The following BAALC variants were observed in gnomAD, a reference collection of about 807,000 sequenced individuals.
BAALC encodes BAALC binder of MAP3K1 and KLF4.
In BAALC, 9 loss-of-function variants were observed where a neutral mutation model predicts 15.5. That is an observed-to-expected ratio of 0.58 (90% CI 0.35 to 1.02). The LOEUF is 1.02. Ranked by LOEUF, BAALC falls within the 50% of genes least tolerant of loss-of-function variation. The probability of loss-of-function intolerance (pLI) is 0.02; values close to 1 mark genes in which losing one functional copy is unlikely to be tolerated. For synonymous variants in BAALC, 80 were observed against 74.6 expected, an observed-to-expected ratio of 1.07 and a Z score of -0.37; for missense variants, 201 against 192.4, an observed-to-expected ratio of 1.04 and a Z score of -0.27.
At chr8:103,226,327 G>A (rs1161891245) in intron 2 of BAALC, among the ~76,000 whole-genome samples, 1 of 152,224 alleles carries the variant, frequency 6.6e-6, no homozygotes, top group Non-Finnish European at 1.5e-5. Context: ...GGGCCCAAAT[G>A]GTCAGACCTT....
chr8:103,170,461 A>T (rs949786993), intron 1 of BAALC, among the ~76,000 whole-genome samples: 6 of 152,156 alleles, frequency 3.9e-5, no homozygotes, highest in Non-Finnish European at 5.9e-5. Context: ...CCTTAATCCA[A>T]TGGCTGTTGT....
At chr8:103,152,264 CTG>C (rs1811003452) in intron 1 of BAALC, among the ~76,000 whole-genome samples, 1 of 152,138 alleles carries the variant, frequency 6.6e-6, no homozygotes. Context: ...TTACTCTGCT[CTG>C]TTTTTTGCTC....
chr8:103,146,652 T>A (rs780616480), intron 1 of BAALC, among the ~76,000 whole-genome samples: 1 of 152,238 alleles, frequency 6.6e-6, no homozygotes, highest in Non-Finnish European at 1.5e-5. Context: ...ACCCCAGAGA[T>A]GATGTTCTCT....
chr8:103,222,610 G>A (rs928899763), intron 2 of BAALC, among the ~76,000 whole-genome samples: 3 of 152,066 alleles, frequency 2.0e-5, no homozygotes, highest in African/African-American at 4.8e-5. Context: ...GTACTTTTCC[G>A]GCAATGTCTC....
chr8:103,223,253 A>G (rs1221024557), intron 2 of BAALC, among the ~76,000 whole-genome samples: 2 of 152,338 alleles, frequency 1.3e-5, no homozygotes, highest in East Asian at 3.9e-4. Context: ...GGTTGCAGTG[A>G]GCAAAGATTG....
chr8:103,153,859 C>T (rs764971976), intron 1 of BAALC, among the ~76,000 whole-genome samples: 11 of 152,172 alleles, frequency 7.2e-5, no homozygotes, highest in Non-Finnish European at 1.3e-4. Flanking sequence ...ACTGGAAAGG[C>T]TTGCAGAAAA....
At chr8:103,183,204 G>A (rs929496606) in intron 1 of BAALC, among the ~76,000 whole-genome samples, 1 of 152,220 alleles carries the variant, frequency 6.6e-6, no homozygotes, top group Non-Finnish European at 1.5e-5. Context: ...GGTCTGCCAA[G>A]GAGAGTGAAA....
chr8:103,148,261 CT>C (rs1810915406), intron 1 of BAALC, among the ~76,000 whole-genome samples: 2 of 152,162 alleles, frequency 1.3e-5, no homozygotes. Flanking sequence ...ACCGGTGATG[CT>C]GCCACCAGCC....
intron 1 of BAALC, among the ~76,000 whole-genome samples, chr8:103,163,438 G>A (rs1563639225): frequency 6.6e-6 from 1 of 152,204 alleles, no homozygotes; most frequent in East Asian, 1.9e-4. Context: ...AATTCAACTT[G>A]CCCCAAACCA....
intron 1 of BAALC, among the ~76,000 whole-genome samples, chr8:103,184,391 C>T (rs1430261651): frequency 6.6e-6 from 1 of 152,224 alleles, no homozygotes; most frequent in Non-Finnish European, 1.5e-5. Context: ...TGTGCTAATA[C>T]ACAGAGAGCT....
chr8:103,197,080 G>T (rs1368726358), intron 1 of BAALC, among the ~76,000 whole-genome samples: 1 of 152,160 alleles, frequency 6.6e-6, no homozygotes, highest in African/African-American at 2.4e-5. Flanking sequence ...TTGAACTATG[G>T]ATTACCTTTA....
At chr8:103,198,154 C>T (rs749219048) in intron 1 of BAALC, 1 of 701,288 alleles carries the variant, frequency 1.4e-6, no homozygotes, top group Non-Finnish European at 2.6e-6. Context: ...GGCATCCCAA[C>T]CATTGATTTA....
At chr8:103,216,821 G>A (rs141293514) in intron 2 of BAALC, among the ~76,000 whole-genome samples, 342 of 152,332 alleles carry the variant, frequency 2.2e-3, no homozygotes, top group African/African-American at 7.8e-3. Context: ...GACATAGGGT[G>A]CAAAGCACTT....
At chr8:103,199,479 T>C (rs1293255965) in intron 1 of BAALC, among the ~76,000 whole-genome samples, 1 of 152,106 alleles carries the variant, frequency 6.6e-6, no homozygotes, top group Admixed American at 6.6e-5. Context: ...TATTCCCCTC[T>C]AACAGCACAG....
At chr8:103,169,995 A>G (rs1811442043) in intron 1 of BAALC, among the ~76,000 whole-genome samples, 1 of 152,124 alleles carries the variant, frequency 6.6e-6, no homozygotes, top group South Asian at 2.1e-4. Context: ...CGTTGTACTC[A>G]AGTTTCCTTT....
intron 1 of BAALC, among the ~76,000 whole-genome samples, chr8:103,178,359 T>C (rs1374246685): frequency 1.3e-5 from 2 of 152,154 alleles, no homozygotes; most frequent in Non-Finnish European, 2.9e-5. Context: ...TAAAATCATA[T>C]AGGATTAAGT....
In BAALC at chr8:103,141,004, C is replaced by G; in HGVS notation, c.107C>G (p.Pro36Arg). The G allele has an allele frequency of 6.6e-7, 1 of 1,524,530 alleles. No individual in the cohort carries two copies. The highest frequency in any genetic ancestry group is 8.8e-7 in the Non-Finnish European group (1 of 1,136,504). The allele number at this position is 1,524,530 out of a possible 1,614,324, so 94.4% of individuals were successfully genotyped here. Reference sequence around the variant, plus strand: ...CTCACCTACACCGACTCGGACGCGCCGCCCAGCGCCGCCGCCCCGGACAGC... The same window carrying G: ...CTCACCTACACCGACTCGGACGCGCGGCCCAGCGCCGCCGCCCCGGACAGC... The part of the protein sequence containing the change: ...TWLTYTDSDA[P>R]PSAAAPDSGP... The change falls in exon 1 of 3, where the codon CCG becomes CGG. Residue 36 changes from proline (P) to arginine (R), a missense_variant. By Grantham distance (103) the Pro-to-Arg change is moderately radical. Coordinates refer to ENST00000309982, the MANE Select transcript of BAALC (RefSeq NM_024812.3).
chr8:103,185,987 G>T (rs1811826402), intron 1 of BAALC, among the ~76,000 whole-genome samples: 1 of 152,030 alleles, frequency 6.6e-6, no homozygotes, highest in South Asian at 2.1e-4. Flanking sequence ...TGCTTGTTCT[G>T]GTGTCTTGGG....
At chr8:103,164,574 C>T (rs1336611965) in intron 1 of BAALC, among the ~76,000 whole-genome samples, 1 of 152,186 alleles carries the variant, frequency 6.6e-6, no homozygotes, top group African/African-American at 2.4e-5. Flanking sequence ...CATGGCATTC[C>T]AGGCCTTCAG....
Sources: allele counts gnomAD v4.1 joint callset (sites outside exome capture counted in the v4.1 genomes callset), GRCh38; gene constraint gnomAD v4.1.1; transcripts MANE v1.5; gene names NCBI Gene and HGNC (gene_info 2026-07-23, HGNC 2026-07-21).